The following NPLOC4 variants were observed in gnomAD, a reference collection of about 807,000 sequenced individuals.
NPLOC4 encodes nuclear protein localization protein 4 homolog.
Under a neutral mutation model 80.6 loss-of-function variants are expected in NPLOC4, and 18 were observed. That is an observed-to-expected ratio of 0.22 (90% CI 0.15 to 0.33). NPLOC4 has a LOEUF of 0.33. NPLOC4 is among the 10% of genes least tolerant of loss of function. The probability of loss-of-function intolerance (pLI) is 1.00; values close to 1 mark genes in which losing one functional copy is unlikely to be tolerated. For synonymous variants in NPLOC4, 313 were observed against 301.5 expected, an observed-to-expected ratio of 1.04 and a Z score of -0.39; for missense variants, 540 against 786.1, an observed-to-expected ratio of 0.69 and a Z score of 3.74.
intron 11 of NPLOC4, among the ~76,000 whole-genome samples, chr17:81,590,766 A>G (rs915792578): frequency 9.9e-5 from 15 of 152,198 alleles, no homozygotes; most frequent in Admixed American, 5.2e-4. Context: ...GCTGTCAAAC[A>G]TGCATCAGAA....
intron 11 of NPLOC4, among the ~76,000 whole-genome samples, chr17:81,592,338 C>T (rs1187762441): frequency 6.6e-6 from 1 of 152,124 alleles, no homozygotes; most frequent in Admixed American, 6.6e-5. Flanking sequence ...AACCTTCATC[C>T]GAGCTGTAGT....
intron 3 of NPLOC4, among the ~76,000 whole-genome samples, chr17:81,617,568 G>C (rs1487686479): frequency 6.6e-6 from 1 of 152,166 alleles, no homozygotes; most frequent in Admixed American, 6.5e-5. Context: ...CCAGCACTTT[G>C]GGAGGCTGAA....
chr17:81,591,447 G>GAAAAAAAAAA lies in NPLOC4; in HGVS notation c.1121-2353_1121-2344dup, dbSNP rs71367067. ...AAGACTCCATCTCTGGAGTAAAACA[G>GAAAAAAAAAA]AAAAAAAAAAAAAAAAAAAAAAAAA... On this transcript the variant is annotated intron_variant, in intron 11 of 16. Coordinates refer to ENST00000331134, the MANE Select transcript of NPLOC4 (RefSeq NM_017921.4). 1.8e-3 allele frequency among the ~76,000 whole-genome samples: 134 copies of GAAAAAAAAAA among 76,272 alleles called. 2 individuals carry two copies. The highest frequency in any genetic ancestry group is 0.011 in the Middle Eastern group (1 of 90). 50.0% of individuals were successfully genotyped at this position (76,272 alleles called of 152,430 possible).
At chr17:81,585,798 G>A (rs1337982366) in intron 12 of NPLOC4, among the ~76,000 whole-genome samples, 1 of 151,824 alleles carries the variant, frequency 6.6e-6, no homozygotes, top group Non-Finnish European at 1.5e-5. Flanking sequence ...ACCAGCCTGG[G>A]CAACATGGTG....
intron 16 of NPLOC4, chr17:81,560,604 G>C (rs1381373338): frequency 6.6e-6 from 1 of 152,242 alleles, no homozygotes; most frequent in East Asian, 1.9e-4. Context: ...CTACTAGGAA[G>C]GCTGAGGAAG....
chr17:81,608,486 G>C (rs552495875), intron 6 of NPLOC4, among the ~76,000 whole-genome samples: 2 of 152,294 alleles, frequency 1.3e-5, no homozygotes, highest in African/African-American at 4.8e-5. Context: ...CAAGGCAGGA[G>C]GATCACTTGA....
chr17:81,590,118 A>C (rs571181411), intron 11 of NPLOC4, among the ~76,000 whole-genome samples: 162 of 152,304 alleles, frequency 1.1e-3, no homozygotes, highest in African/African-American at 3.7e-3. Flanking sequence ...GTCTTCCAGA[A>C]ACCTACACGG....
In NPLOC4 at chr17:81,597,265, C is replaced by T. The variant is rs763449135; in HGVS notation, c.973G>A (p.Val325Ile). 1 of 1,613,340 alleles carries T rather than the reference C, an allele frequency of 6.2e-7. No homozygotes were observed. Among genetic ancestry groups the T allele is most frequent in the Non-Finnish European group, 8.5e-7 (1 of 1,179,366 alleles). ...CTCACCTTATTTCGACTGTAGCGGA[C>T]GGTACCCTTTCGGGTATCTTCTGAG... Reference protein sequence around the residue: ...LVSEDTRKGTVRYSRNKDTYF... With the variant: ...LVSEDTRKGTIRYSRNKDTYF... The change falls in exon 10 of 17, where the codon GTC becomes ATC. Residue 325 changes from valine to isoleucine, a missense_variant. Physicochemically the swap from Val to Ile is conservative, Grantham distance 29 (BLOSUM62 3). This residue lies in a region of NPLOC4 where 251 missense variants were observed against 377.5 expected (regional missense o/e 0.66). Transcript: ENST00000331134.
intron 11 of NPLOC4, among the ~76,000 whole-genome samples, chr17:81,591,462 A>AAAC (rs2034740706): frequency 6.6e-6 from 1 of 150,846 alleles, no homozygotes. Flanking sequence ...AAAAAAAAAA[A>AAAC]AAAAAAAAAA....
intron 12 of NPLOC4, among the ~76,000 whole-genome samples, chr17:81,575,644 C>G (rs2034277799): frequency 6.6e-6 from 1 of 152,146 alleles, no homozygotes; most frequent in Non-Finnish European, 1.5e-5. Context: ...AGACTGGGCC[C>G]CCCACACTAC....
intron 3 of NPLOC4, among the ~76,000 whole-genome samples, chr17:81,620,270 G>T (rs545400732): frequency 6.6e-6 from 1 of 152,174 alleles, no homozygotes; most frequent in East Asian, 1.9e-4. Context: ...GGCCAAGGCG[G>T]GTGGATCACG....
intron 8 of NPLOC4, 57 bp downstream of exon 8, chr17:81,604,491 C>G: frequency 6.6e-7 from 1 of 1,524,862 alleles, no homozygotes; most frequent in Non-Finnish European, 8.9e-7. Context: ...TCCGAAAGGG[C>G]GTCCCCCACA....
chr17:81,633,106 T>C (rs113964075), intron 1 of NPLOC4, among the ~76,000 whole-genome samples: 7,058 of 129,268 alleles, frequency 0.055, 293 homozygotes, highest in East Asian at 0.26. Context: ...CCAGCCTGGG[T>C]GACAGAGCAA....
At chr17:81,571,336 G>C (rs2034156093) in intron 13 of NPLOC4, among the ~76,000 whole-genome samples, 1 of 152,204 alleles carries the variant, frequency 6.6e-6, no homozygotes, top group African/African-American at 2.4e-5. Flanking sequence ...GGCTCATCCT[G>C]CCATCCTTGC....
chr17:81,624,110 C>A (rs1206293862), intron 2 of NPLOC4, among the ~76,000 whole-genome samples: 1 of 152,032 alleles, frequency 6.6e-6, no homozygotes, highest in African/African-American at 2.4e-5. Flanking sequence ...CATGGTGAAA[C>A]CCCATCTCTC....
In NPLOC4 at chr17:81,606,210, A is replaced by AGCCG. The variant is rs10608622; in HGVS notation, c.654+477_654+480dup. 8.4e-4 allele frequency among the ~76,000 whole-genome samples: 128 copies of AGCCG among 152,204 alleles called. No individual in the cohort carries two copies. In the Middle Eastern group the frequency reaches 0.01, roughly 12 times the overall value. On this transcript the variant is annotated intron_variant, in intron 7 of 16. Coordinates refer to ENST00000331134, the MANE Select transcript of NPLOC4 (RefSeq NM_017921.4). ...GGAGGCCACGGAATTCTCTCTAAGGAGCCGTTTTCTCTAAGGGCACAGCGG... is the reference window on the plus strand; with the variant it reads ...GGAGGCCACGGAATTCTCTCTAAGGAGCCGGCCGTTTTCTCTAAGGGCACAGCGG...
chr17:81,559,367 C>T lies in NPLOC4; in HGVS notation c.1719G>A (p.Gly573=), dbSNP rs1454284206. The stretch of plus-strand genomic sequence containing the variant: ...CTGCAGTGGCCGTGTGTGTGGAGCC[C>T]CCGACGGCGCCGTACTCATGGAGAC... ...LPGLHEYGAV[G]GSTHTATAAM... is the part of the protein sequence containing the mutation. The change falls in exon 17 of 17, where the codon GGG becomes GGA. Residue 573 remains glycine (G), a synonymous_variant. Transcript: ENST00000331134. 1 of 1,608,810 alleles carries T rather than the reference C, an allele frequency of 6.2e-7. No individual in the cohort carries two copies. Among genetic ancestry groups the T allele is most frequent in the Middle Eastern group, 1.7e-4 (1 of 5,988 alleles).
At chr17:81,613,261 T>G in intron 4 of NPLOC4, 57 bp downstream of exon 4, 1 of 1,454,924 alleles carries the variant, frequency 6.9e-7, no homozygotes, top group Non-Finnish European at 9.3e-7. Context: ...ATATTTCCCT[T>G]TATTCACCCA....
intron 13 of NPLOC4, among the ~76,000 whole-genome samples, chr17:81,569,927 T>G (rs1010893427): frequency 6.6e-6 from 1 of 152,228 alleles, no homozygotes; most frequent in African/African-American, 2.4e-5. Context: ...CCGAGTTGAG[T>G]TGATGCTGCT....
Sources: gnomAD v4.1 joint callset for allele counts (sites outside exome capture counted in the v4.1 genomes callset) on GRCh38, gnomAD v4.1.1 for gene constraint, gnomAD v4.1.1 regional missense constraint, MANE v1.5 for transcripts, NCBI Gene and HGNC (gene_info 2026-07-23, HGNC 2026-07-21) for gene names.